The following CHST15 variants were observed in gnomAD, a reference collection of about 807,000 sequenced individuals.
The protein encoded by CHST15 is B cell RAG associated protein (GALNAC4S-6ST).
CHST15 carries 30 observed loss-of-function variants against 53.6 expected under a neutral mutation model. The ratio of observed to expected loss-of-function variants is 0.56; its 90% CI spans 0.42 to 0.76. The LOEUF is 0.76. CHST15 is among the 30% of genes least tolerant of loss of function. The pLI is 0.00. For synonymous variants in CHST15, 296 were observed against 289.8 expected (o/e 1.02, Z -0.22); for missense variants, 627 against 740.5 (o/e 0.85, Z 1.78).
At chr10:124,083,610 A>G (rs1245944788) in intron 1 of CHST15, among the ~76,000 whole-genome samples, 2 of 152,184 alleles carry the variant, frequency 1.3e-5, no homozygotes, top group East Asian at 3.9e-4. Flanking sequence ...AGAAACTGCT[A>G]GCAAGTGGGT....
intron 1 of CHST15, among the ~76,000 whole-genome samples, chr10:124,082,181 G>C (rs905793401): frequency 1.3e-5 from 2 of 152,088 alleles, no homozygotes; most frequent in African/African-American, 4.8e-5. Flanking sequence ...CATAAAAGAG[G>C]GCAAGCTAAC....
At position 124,046,339 on chromosome 10, in the gene CHST15, G is replaced by T; in HGVS notation, c.-127C>A. The T allele has an allele frequency of 2.4e-6, 2 of 850,868 alleles. No homozygotes were observed. The highest frequency in any genetic ancestry group is 3.6e-6 in the Non-Finnish European group (2 of 563,374). The allele number at this position is 850,868 out of a possible 1,614,324, so 52.7% of individuals were successfully genotyped here. On this transcript the variant is annotated 5_prime_UTR_variant, in exon 2 of 8. Transcript: ENST00000435907. Reference sequence around the variant, plus strand: ...TGTGATCACAGAAGATGGATGGAAAGCACAAATACAAAAATAAGCAGACAC... The same window carrying T: ...TGTGATCACAGAAGATGGATGGAAATCACAAATACAAAAATAAGCAGACAC...
At chr10:124,043,504 T>A (rs1947818731) in intron 3 of CHST15, among the ~76,000 whole-genome samples, 1 of 152,222 alleles carries the variant, frequency 6.6e-6, no homozygotes, top group Admixed American at 6.5e-5. Context: ...AAGATTCCCT[T>A]CTAGTCAACC....
chr10:124,020,257 G>C, intron 6 of CHST15: 1 of 985,548 alleles, frequency 1.0e-6, no homozygotes, highest in South Asian at 4.7e-5. Flanking sequence ...CAGAAAGGCT[G>C]AGACAACTGC....
At chr10:124,068,442 C>T (rs886899607) in intron 1 of CHST15, among the ~76,000 whole-genome samples, 2 of 152,224 alleles carry the variant, frequency 1.3e-5, no homozygotes, top group African/African-American at 4.8e-5. Context: ...TGCTCCTCAT[C>T]ATGGTAACCA....
chr10:124,071,902 T>C (rs1430764817), intron 1 of CHST15, among the ~76,000 whole-genome samples: 1 of 152,246 alleles, frequency 6.6e-6, no homozygotes, highest in Non-Finnish European at 1.5e-5. Flanking sequence ...CATGACCCTG[T>C]GGAGCAGCAG....
chr10:124,012,399 G>T lies in CHST15; in HGVS notation c.1429C>A (p.Arg477Ser). The T allele has an allele frequency of 1.2e-6, 2 of 1,614,084 alleles. No individual in the cohort carries two copies. Among genetic ancestry groups the T allele is most frequent in the Non-Finnish European group, 1.7e-6 (2 of 1,180,004 alleles). Residue 477 changes from arginine to serine, a missense_variant, in exon 7 of 8, where the codon CGC becomes AGC. Coordinates refer to ENST00000435907, the MANE Select transcript of CHST15 (RefSeq NM_001270764.2). ...ACGTTGGATGCATGATCTTCCAGGCGAAGAATGAGAAACTGTTGCTTGTCA... is the reference window on the plus strand; with the variant it reads ...ACGTTGGATGCATGATCTTCCAGGCTAAGAATGAGAAACTGTTGCTTGTCA... ...VFDKQQFLIL[R>S]LEDHASNVKY...
chr10:124,026,902 C>T (rs946400017), intron 5 of CHST15, among the ~76,000 whole-genome samples: 3 of 152,116 alleles, frequency 2.0e-5, no homozygotes, highest in South Asian at 2.1e-4. Flanking sequence ...CAGGCTAACA[C>T]GAGGGGATGG....
At chr10:124,065,364 CAG>C (rs1948721497) in intron 1 of CHST15, among the ~76,000 whole-genome samples, 1 of 152,190 alleles carries the variant, frequency 6.6e-6, no homozygotes, top group Non-Finnish European at 1.5e-5. Flanking sequence ...GCCTGGGTGA[CAG>C]AGCAAGACCG....
At chr10:124,010,730 C>CCTG (rs768665911) in intron 7 of CHST15, 24 of 985,350 alleles carry the variant, frequency 2.4e-5, no homozygotes, top group Non-Finnish European at 2.7e-5. Flanking sequence ...TTTCGGTTTT[C>CCTG]CTGCTCAGCA....
chr10:124,082,038 T>C (rs1949263408), intron 1 of CHST15, among the ~76,000 whole-genome samples: 1 of 152,186 alleles, frequency 6.6e-6, no homozygotes, highest in African/African-American at 2.4e-5. Context: ...GGTGCTGTTC[T>C]TATTCGGCCG....
At position 124,009,418 on chromosome 10, in the gene CHST15, T is replaced by G. The variant is rs1267030252; in HGVS notation, c.*731A>C. ...TAAACATAAGTCCACAAGGACAGAA[T>G]AGGAGGAGGTCAGAAAGATGAAGGT... On this transcript the variant is annotated 3_prime_UTR_variant, in exon 8 of 8. Transcript: ENST00000435907. 3.0e-6 allele frequency: 3 copies of G among 994,400 alleles called. No homozygotes were observed. Among genetic ancestry groups the G allele is most frequent in the East Asian group, 1.1e-4 (1 of 9,228 alleles). 61.6% of individuals were successfully genotyped at this position (994,400 alleles called of 1,614,324 possible).
intron 1 of CHST15, among the ~76,000 whole-genome samples, chr10:124,073,788 G>GT (rs1210915463): frequency 6.7e-6 from 1 of 149,306 alleles, no homozygotes; most frequent in Non-Finnish European, 1.5e-5. Flanking sequence ...AAGCTCCTCT[G>GT]TTTGTGCATT....
rs1317069730 is a variant in CHST15 at position 124,021,419 on chromosome 10, A to G, written c.1191-7T>C. 1 of 1,603,648 alleles carries G rather than the reference A, an allele frequency of 6.2e-7. No homozygotes were observed. Among genetic ancestry groups the G allele is most frequent in the Non-Finnish European group, 8.5e-7 (1 of 1,172,186 alleles). ...GAGATAGTCTGAGTACAACCTGTGA[A>G]TAAAATAAATGCATATTTTTACCAC... On this transcript the variant is annotated splice_region_variant and splice_polypyrimidine_tract_variant and intron_variant, in intron 5 of 7. Coordinates refer to ENST00000435907, the MANE Select transcript of CHST15 (RefSeq NM_001270764.2).
intron 5 of CHST15, among the ~76,000 whole-genome samples, chr10:124,029,795 C>A (rs971132365): frequency 2.0e-5 from 3 of 152,202 alleles, no homozygotes. Flanking sequence ...CATGTGCTGC[C>A]ACCCCCTCCT....
At chr10:124,061,917 G>C (rs1564898472) in intron 1 of CHST15, among the ~76,000 whole-genome samples, 1 of 151,922 alleles carries the variant, frequency 6.6e-6, no homozygotes, top group Non-Finnish European at 1.5e-5. Context: ...CAAAGCACCA[G>C]TGGGAAGCTC....
Position 124,021,238 on chromosome 10 carries a change from G to C in CHST15, c.1347+18C>G, listed in dbSNP as rs775096940. 10 of 770,862 alleles carry C rather than the reference G, an allele frequency of 1.3e-5. No homozygotes were observed. Among genetic ancestry groups the C allele is most frequent in the Middle Eastern group, 7.1e-4 (2 of 2,814 alleles). 47.8% of individuals were successfully genotyped at this position (770,862 alleles called of 1,614,324 possible). A position where few individuals can be genotyped will look rare whatever the true frequency, so the allele number is the denominator to read the frequency against. ...GCCAGGGGCCAGCTCGGGGGGTACGGGGGGGGGGGGTACACACAGGCATGG... is the reference window on the plus strand; with the variant it reads ...GCCAGGGGCCAGCTCGGGGGGTACGCGGGGGGGGGGTACACACAGGCATGG... On this transcript the variant is annotated intron_variant, in intron 6 of 7. Coordinates refer to ENST00000435907, the MANE Select transcript of CHST15 (RefSeq NM_001270764.2).
In CHST15 at chr10:124,022,001, TAC is replaced by T. The variant is rs145208023; in HGVS notation, c.1191-591_1191-590del. Among the ~76,000 whole-genome samples the T allele has an allele frequency of 6.0e-3, 916 of 152,286 alleles. 7 individuals are homozygous for T. The highest frequency in any genetic ancestry group is 0.02 in the African/African-American group (850 of 41,542). On this transcript the variant is annotated intron_variant, in intron 5 of 7. Coordinates refer to ENST00000435907, the MANE Select transcript of CHST15 (RefSeq NM_001270764.2). ...ATATGCACAGGAATACCTGCAGACT[TAC>T]ACGTTTACCCGTGGACACAGATCTG...
intron 1 of CHST15, among the ~76,000 whole-genome samples, chr10:124,088,346 T>G (rs1949500912): frequency 6.6e-6 from 1 of 152,242 alleles, no homozygotes; most frequent in Non-Finnish European, 1.5e-5. Context: ...TGCTGTGCTC[T>G]GTGCTGAGCG....
Sources: gnomAD v4.1 joint callset for allele counts (sites outside exome capture counted in the v4.1 genomes callset) on GRCh38, gnomAD v4.1.1 for gene constraint, MANE v1.5 for transcripts, NCBI Gene and HGNC (gene_info 2026-07-23, HGNC 2026-07-21) for gene names.